Variants in AKAP10 observed in about 807,000 individuals in gnomAD.
The protein encoded by AKAP10 is A-kinase anchor protein 10, mitochondrial.
Under a neutral mutation model 80.8 loss-of-function variants are expected in AKAP10, and 24 were observed. The ratio of observed to expected loss-of-function variants is 0.30; its 90% CI spans 0.22 to 0.42. AKAP10 has a LOEUF of 0.42. Ranked by LOEUF, AKAP10 falls within the 10% of genes least tolerant of loss-of-function variation. The pLI is 1.00. For missense variants in AKAP10, 661 were observed against 794.9 expected, an observed-to-expected ratio of 0.83 and a Z score of 2.03; for synonymous variants, 291 against 277.7, an observed-to-expected ratio of 1.05 and a Z score of -0.48.
chr17:19,911,067 A>C (rs2042684685), intron 12 of AKAP10, among the ~76,000 whole-genome samples: 2 of 152,216 alleles, frequency 1.3e-5, no homozygotes, highest in South Asian at 4.1e-4. Flanking sequence ...GAATTCATAA[A>C]AAATACAAAA....
chr17:19,933,485 A>G (rs972334421), intron 9 of AKAP10, among the ~76,000 whole-genome samples: 5 of 152,148 alleles, frequency 3.3e-5, no homozygotes, highest in African/African-American at 1.2e-4. Flanking sequence ...AGTGTTCTTA[A>G]AATTAGTCTA....
At chr17:19,940,177 A>G (rs1213685435) in intron 7 of AKAP10, among the ~76,000 whole-genome samples, 1 of 152,206 alleles carries the variant, frequency 6.6e-6, no homozygotes. Flanking sequence ...ACCAAACCAA[A>G]TATTTTATAT....
intron 8 of AKAP10, among the ~76,000 whole-genome samples, chr17:19,938,753 C>G (rs1308667934): frequency 6.8e-6 from 1 of 147,632 alleles, no homozygotes. Context: ...TTTTTGGAGA[C>G]AGGGTCTCAC....
chr17:19,968,917 C>T (rs1255953858), intron 1 of AKAP10, among the ~76,000 whole-genome samples: 3 of 152,246 alleles, frequency 2.0e-5, no homozygotes, highest in South Asian at 2.1e-4. Context: ...AATATTATTA[C>T]CATGTGTCAT....
At position 19,941,939 on chromosome 17, in the gene AKAP10, T is replaced by C. The variant is rs771703274; in HGVS notation, c.977-29A>G. The C allele has an allele frequency of 1.1e-5, 17 of 1,600,296 alleles. No individual in the cohort carries two copies. In the African/African-American group the frequency reaches 2.0e-4, roughly 19 times the overall value. The stretch of plus-strand genomic sequence containing the variant: ...CAAAAGAAGTTGTAAATAATTAAAT[T>C]GCCACTAAATTCAAACTATGTATAC... On this transcript the variant is annotated intron_variant, in intron 5 of 14. Coordinates refer to ENST00000225737, the MANE Select transcript of AKAP10 (RefSeq NM_007202.4).
intron 8 of AKAP10, among the ~76,000 whole-genome samples, chr17:19,938,338 G>A (rs2043015613): frequency 6.6e-6 from 1 of 151,562 alleles, no homozygotes; most frequent in Non-Finnish European, 1.5e-5. Context: ...CCGGGCTCGA[G>A]CAATTCTCCT....
intron 10 of AKAP10, among the ~76,000 whole-genome samples, chr17:19,927,298 C>T (rs1318269313): frequency 6.6e-6 from 1 of 152,136 alleles, no homozygotes; most frequent in Non-Finnish European, 1.5e-5. Context: ...TGTGCCACTG[C>T]ACTCCAGCCT....
rs561617423 is a variant in AKAP10 at position 19,930,816 on chromosome 17, T to C, written c.1641+989A>G. ...ACCTCCGACTCCCTGGTTGAAGCCA[T>C]TCTCCTGCCTCAGCCTCCCAAGTAG... On this transcript the variant is annotated intron_variant, in intron 10 of 14. Transcript: ENST00000225737. 2.2e-3 allele frequency among the ~76,000 whole-genome samples: 341 copies of C among 152,242 alleles called. 1 individual carries two copies. Among genetic ancestry groups the C allele is most frequent in the African/African-American group, 7.5e-3 (311 of 41,548 alleles).
intron 12 of AKAP10, 65 bp downstream of exon 12, chr17:19,919,971 T>C: frequency 7.4e-7 from 1 of 1,358,808 alleles, no homozygotes; most frequent in Middle Eastern, 1.8e-4. Context: ...TTAAGTGGTC[T>C]TTGACTTACA....
In AKAP10 at chr17:19,946,275, A is replaced by ATTTTTT. The variant is rs71157846; in HGVS notation, c.976+1126_976+1131dup. Among the ~76,000 whole-genome samples, 13 of 12,938 alleles carry ATTTTTT rather than the reference A, an allele frequency of 1.0e-3. 3 individuals are homozygous for ATTTTTT. The highest frequency in any genetic ancestry group is 5.4e-3 in the Admixed American group (3 of 556). 8.5% of individuals were successfully genotyped at this position (12,938 alleles called of 152,430 possible). A position where few individuals can be genotyped will look rare whatever the true frequency, so the allele number is the denominator to read the frequency against. Reference sequence around the variant, plus strand: ...TATATATATATATATATATATATATATTTTTTTTTTTTTTTTTTTTTTTTG... The same window carrying ATTTTTT: ...TATATATATATATATATATATATATATTTTTTTTTTTTTTTTTTTTTTTTTTTTTTG... On this transcript the variant is annotated intron_variant, in intron 5 of 14. Coordinates refer to ENST00000225737, the MANE Select transcript of AKAP10 (RefSeq NM_007202.4).
chr17:19,938,593 A>G (rs1444885720), intron 8 of AKAP10, among the ~76,000 whole-genome samples: 1 of 152,172 alleles, frequency 6.6e-6, no homozygotes. Flanking sequence ...GCCCAGCAAG[A>G]GCCCACAGAC....
chr17:19,969,358 TAAAG>T (rs1266350341), intron 1 of AKAP10, among the ~76,000 whole-genome samples: 1 of 152,072 alleles, frequency 6.6e-6, no homozygotes, highest in Non-Finnish European at 1.5e-5. Context: ...AAATAAAAGA[TAAAG>T]AATAATTTGT....
chr17:19,944,528 G>A (rs558413373), intron 5 of AKAP10, among the ~76,000 whole-genome samples: 4 of 152,096 alleles, frequency 2.6e-5, no homozygotes, highest in South Asian at 2.1e-4. Context: ...GGTGGCGAGC[G>A]CCTGTAGTCC....
At chr17:19,969,984 A>G (rs150778089) in intron 1 of AKAP10, among the ~76,000 whole-genome samples, 1,543 of 152,202 alleles carry the variant, frequency 0.01, 18 homozygotes, top group Middle Eastern at 0.017. Flanking sequence ...CTGCATATAC[A>G]TCTGTATTTC....
At chr17:19,966,705 C>G (rs941511445) in intron 2 of AKAP10, among the ~76,000 whole-genome samples, 3 of 152,294 alleles carry the variant, frequency 2.0e-5, no homozygotes, top group Non-Finnish European at 2.9e-5. Context: ...GCCAATCCCC[C>G]CATTCAACAA....
intron 10 of AKAP10, among the ~76,000 whole-genome samples, chr17:19,925,425 C>T (rs1405005289): frequency 1.3e-5 from 2 of 152,100 alleles, no homozygotes; most frequent in African/African-American, 4.8e-5. Flanking sequence ...CAGCTGAGTA[C>T]AGCAAGTTCT....
intron 14 of AKAP10, among the ~76,000 whole-genome samples, chr17:19,906,647 A>G (rs2042634302): frequency 1.3e-5 from 2 of 152,226 alleles, no homozygotes; most frequent in South Asian, 4.1e-4. Flanking sequence ...CTGCGGACAA[A>G]TATCACGGAA....
chr17:19,932,066 C>A, intron 9 of AKAP10, 88 bp from the exon 10 acceptor site: 2 of 1,244,650 alleles, frequency 1.6e-6, no homozygotes, highest in Non-Finnish European at 2.2e-6. Flanking sequence ...TATAATTCTA[C>A]TGGTTACAAA....
At chr17:19,918,224 C>CAAAAAA (rs559332326) in intron 12 of AKAP10, among the ~76,000 whole-genome samples, 4 of 86,012 alleles carry the variant, frequency 4.7e-5, no homozygotes, top group Non-Finnish European at 5.0e-5. Context: ...CCGTCTCAAA[C>CAAAAAA]AAAAAAAAAA....
Sources: allele counts gnomAD v4.1 joint callset (sites outside exome capture counted in the v4.1 genomes callset), GRCh38; gene constraint gnomAD v4.1.1; transcripts MANE v1.5; gene names NCBI Gene and HGNC (gene_info 2026-07-23, HGNC 2026-07-21).